Variants in XXYLT1 observed in about 807,000 individuals in gnomAD.
XXYLT1 encodes the protein UDP-xylose:alpha-xyloside alpha-1,3-xylosyltransferase.
XXYLT1 carries 20 observed loss-of-function variants against 28.9 expected under a neutral mutation model. The observed-to-expected ratio is 0.69, with a 90% CI of 0.49 to 1.00. The LOEUF (loss-of-function observed/expected upper bound fraction) is 1.00, where lower values mean the gene tolerates loss of function less well. Ranked by LOEUF, XXYLT1 falls within the 50% of genes least tolerant of loss-of-function variation. The pLI, the probability that XXYLT1 is intolerant of heterozygous loss-of-function variation, is 0.00. For missense variants in XXYLT1, 542 were observed against 560.1 expected (o/e 0.97, Z 0.33); for synonymous variants, 257 against 253.8 (o/e 1.01, Z -0.12).
chr3:195,165,682 C>T (rs1008764863), intron 2 of XXYLT1, among the ~76,000 whole-genome samples: 1 of 152,174 alleles, frequency 6.6e-6, no homozygotes, highest in Non-Finnish European at 1.5e-5. Context: ...TTCAGCTTTC[C>T]TGTCTCCTGA....
rs983948511 is a variant in XXYLT1, at chr3:195,115,781, G to A, written c.785+40668C>T. On this transcript the variant is annotated intron_variant, in intron 3 of 3. Transcript: ENST00000310380. The surrounding 1 kb of genome is among the most constrained non-coding windows in gnomAD (Gnocchi z 4.2). ...CAGGTGCAGGCCAGGACCGGACCTC[G>A]GTTATCTAGAGAGTAACTAACAGTG... 3.3e-5 allele frequency among the ~76,000 whole-genome samples: 5 copies of A among 152,288 alleles called. No individual in the cohort carries two copies. Among genetic ancestry groups the A allele is most frequent in the South Asian group, 4.1e-4 (2 of 4,824 alleles).
At chr3:195,177,370 TC>T (rs1721721120) in intron 2 of XXYLT1, among the ~76,000 whole-genome samples, 1 of 152,108 alleles carries the variant, frequency 6.6e-6, no homozygotes, top group South Asian at 2.1e-4. Flanking sequence ...AATTCAAGAT[TC>T]TCTCTTGACT....
At chr3:195,245,130 C>T (rs1724964963) in intron 1 of XXYLT1, among the ~76,000 whole-genome samples, 1 of 150,842 alleles carries the variant, frequency 6.6e-6, no homozygotes, top group African/African-American at 2.4e-5. Context: ...TGCACCATTG[C>T]TCTTCAGCCT....
In XXYLT1 at chr3:195,158,930, A is replaced by T. The variant is rs1032485568; in HGVS notation, c.653-2349T>A. ...TTGAGGTAGCTGTCTCTCTGTGGGA[A>T]ATATGTGGGGGCAAGAGGGTTACAC... On this transcript the variant is annotated intron_variant, in intron 2 of 3. Transcript: ENST00000310380. Among the ~76,000 whole-genome samples, 4 of 152,228 alleles carry T rather than the reference A, an allele frequency of 2.6e-5. No homozygotes were observed. The South Asian group carries it at 6.2e-4, about 24-fold the overall frequency.
At chr3:195,075,159 G>C (rs1035980463) in intron 3 of XXYLT1, among the ~76,000 whole-genome samples, 1 of 152,240 alleles carries the variant, frequency 6.6e-6, no homozygotes, top group African/African-American at 2.4e-5. Context: ...GGCTGAGGCA[G>C]GAGAATCGTT....
At chr3:195,188,723 T>C (rs1204351455) in intron 2 of XXYLT1, among the ~76,000 whole-genome samples, 2 of 152,242 alleles carry the variant, frequency 1.3e-5, no homozygotes, top group Admixed American at 1.3e-4. Context: ...ATCTGTCCAC[T>C]GGGTGGTATC....
intron 3 of XXYLT1, among the ~76,000 whole-genome samples, chr3:195,088,122 T>C (rs1458030360): frequency 1.3e-5 from 2 of 151,300 alleles, no homozygotes; most frequent in East Asian, 2.0e-4. Flanking sequence ...GCGCCCGCCA[T>C]TGCCCAGGCT....
chr3:195,120,771 G>A (rs1409039383), intron 3 of XXYLT1, among the ~76,000 whole-genome samples: 2 of 152,194 alleles, frequency 1.3e-5, no homozygotes, highest in Non-Finnish European at 2.9e-5. Flanking sequence ...GCGGGGTCCC[G>A]GAGGGGAAGA....
At chr3:195,239,516 G>A (rs765768570) in intron 1 of XXYLT1, among the ~76,000 whole-genome samples, 5 of 152,164 alleles carry the variant, frequency 3.3e-5, no homozygotes, top group Non-Finnish European at 5.9e-5. Context: ...TAGCCAATGA[G>A]AAGACACAAA....
chr3:195,098,294 C>T (rs1352805224), intron 3 of XXYLT1, among the ~76,000 whole-genome samples: 1 of 152,174 alleles, frequency 6.6e-6, no homozygotes, highest in Non-Finnish European at 1.5e-5. Flanking sequence ...TGGCTCACGC[C>T]TGTAATCCCA....
At position 195,259,672 on chromosome 3, in the gene XXYLT1, G is replaced by T. The variant is rs570315870; in HGVS notation, c.504+10883C>A. 1.8e-4 allele frequency: 176 copies of T among 984,838 alleles called. No homozygotes were observed. In the African/African-American group the frequency reaches 2.9e-3, roughly 16 times the overall value. The allele number at this position is 984,838 out of a possible 1,614,324, so 61.0% of individuals were successfully genotyped here. A position where few individuals can be genotyped will look rare whatever the true frequency, so the allele number is the denominator to read the frequency against. On this transcript the variant is annotated intron_variant, in intron 1 of 3. Transcript: ENST00000310380. ...AGTCCCTCCCGCAATTAAGGACGCC[G>T]GGCTCCAGGCCAGCGCCAGGGACAG...
At chr3:195,140,660 AGAGT>A (rs1044006454) in intron 3 of XXYLT1, among the ~76,000 whole-genome samples, 4 of 151,774 alleles carry the variant, frequency 2.6e-5, no homozygotes, top group Non-Finnish European at 5.9e-5. Context: ...AGTGAGAGAG[AGAGT>A]GAGAACAAAA....
rs911715261 is a variant in XXYLT1 at position 195,240,152 on chromosome 3, G to A, written c.505-13296C>T. On this transcript the variant is annotated intron_variant, in intron 1 of 3. Coordinates refer to ENST00000310380, the MANE Select transcript of XXYLT1 (RefSeq NM_152531.5). The surrounding 1 kb of genome is among the most constrained non-coding windows in gnomAD (Gnocchi z 4.7). ...GTTGTTCAAACTAAAATATGTAACC[G>A]AGAAAGTGCTGTGTGATATAAAAGA... is the stretch of plus-strand genomic sequence containing the variant. 6.6e-6 allele frequency among the ~76,000 whole-genome samples: 1 copy of A among 152,188 alleles called. No individual in the cohort carries two copies. Among genetic ancestry groups the A allele is most frequent in the Non-Finnish European group, 1.5e-5 (1 of 68,046 alleles).
chr3:195,255,753 T>C lies in XXYLT1; in HGVS notation c.504+14802A>G, dbSNP rs1043202268. On this transcript the variant is annotated intron_variant, in intron 1 of 3. Transcript: ENST00000310380. The surrounding 1 kb of genome is among the most constrained non-coding windows in gnomAD (Gnocchi z 4.5). ...TGTCCACTGAGCAGCTGTGTGGCCC[T>C]GAGCAAGTTGCTTGGCCTCTCTGGG... 4.6e-5 allele frequency among the ~76,000 whole-genome samples: 7 copies of C among 152,180 alleles called. No individual in the cohort carries two copies. Among genetic ancestry groups the C allele is most frequent in the African/African-American group, 1.4e-4 (6 of 41,454 alleles).
At chr3:195,116,762 T>C (rs987061034) in intron 3 of XXYLT1, among the ~76,000 whole-genome samples, 3 of 152,194 alleles carry the variant, frequency 2.0e-5, no homozygotes, top group African/African-American at 7.2e-5. Flanking sequence ...AGGTAAAGGC[T>C]GAGACGGAAA....
At chr3:195,241,499 T>A (rs182841765) in intron 1 of XXYLT1, among the ~76,000 whole-genome samples, 1 of 152,152 alleles carries the variant, frequency 6.6e-6, no homozygotes, top group African/African-American at 2.4e-5. Flanking sequence ...GGAGGAAAAA[T>A]GACTTTCTGG....
At chr3:195,160,360 A>G (rs1365828548) in intron 2 of XXYLT1, among the ~76,000 whole-genome samples, 2 of 152,184 alleles carry the variant, frequency 1.3e-5, no homozygotes, top group Non-Finnish European at 2.9e-5. Flanking sequence ...ATTTGCAGAG[A>G]TAAATATTTA....
At chr3:195,148,650 C>T (rs1392039236) in intron 3 of XXYLT1, among the ~76,000 whole-genome samples, 3 of 152,166 alleles carry the variant, frequency 2.0e-5, no homozygotes, top group African/African-American at 4.8e-5. Flanking sequence ...GCCTTCCAGA[C>T]GTGACGGTCA....
intron 3 of XXYLT1, among the ~76,000 whole-genome samples, chr3:195,092,100 T>C (rs2108662102): frequency 7.1e-6 from 1 of 140,810 alleles, no homozygotes; most frequent in Non-Finnish European, 1.5e-5. Flanking sequence ...ATGGCCATAC[T>C]GCCCAAGGTA....
Sources: gnomAD v4.1 joint callset for allele counts (sites outside exome capture counted in the v4.1 genomes callset) on GRCh38, gnomAD v4.1.1 for gene constraint, Gnocchi (gnomAD v3.1) non-coding constraint, MANE v1.5 for transcripts, NCBI Gene and HGNC (gene_info 2026-07-23, HGNC 2026-07-21) for gene names.